The following ABL2 variants were observed in gnomAD, a reference collection of about 807,000 sequenced individuals.
ABL2 encodes the protein tyrosine-protein kinase ABL2.
A neutral mutation model predicts 107.7 loss-of-function variants in ABL2; 49 were observed. The ratio of observed to expected loss-of-function variants is 0.45; its 90% confidence interval spans 0.36 to 0.58. ABL2 has a LOEUF of 0.58. Among genes scored for constraint, ABL2 ranks in the 20% least tolerant of loss-of-function variants. ABL2 has a pLI of 0.00. For synonymous variants in ABL2, 549 were observed against 548.6 expected (o/e 1.00, Z -0.01); for missense variants, 1,245 against 1,457.0 (o/e 0.85, Z 2.37).
intron 1 of ABL2, among the ~76,000 whole-genome samples, chr1:179,182,023 C>T (rs1190972492): frequency 7.0e-6 from 1 of 142,584 alleles, no homozygotes; most frequent in Non-Finnish European, 1.5e-5. Context: ...GTCTTGATCT[C>T]CTGACCTCAT....
chr1:179,175,663 T>C (rs555455045), intron 1 of ABL2, among the ~76,000 whole-genome samples: 10 of 152,248 alleles, frequency 6.6e-5, no homozygotes, highest in Non-Finnish European at 1.2e-4. Flanking sequence ...TTTAGTCTCT[T>C]AGCAGACAGA....
chr1:179,099,607 G>A lies in ABL2; in HGVS notation c.*8111C>T. ...GTTAAATCCCACATTGTCTCACTAT[G>A]TCCCCTTAGCAATGCACACAGTGCC... On this transcript the variant is annotated 3_prime_UTR_variant, in exon 12 of 12. Coordinates refer to ENST00000502732, the MANE Select transcript of ABL2 (RefSeq NM_007314.4). 1 of 230,704 alleles carries A rather than the reference G, an allele frequency of 4.3e-6. No individual in the cohort carries two copies. Among genetic ancestry groups the A allele is most frequent in the Non-Finnish European group, 8.6e-6 (1 of 116,426 alleles). The allele number at this position is 230,704 out of a possible 1,614,324, so 14.3% of individuals were successfully genotyped here. A position where few individuals can be genotyped will look rare whatever the true frequency, so the allele number is the denominator to read the frequency against.
In ABL2 at chr1:179,109,415, T is replaced by C. The variant is rs1290457124; in HGVS notation, c.1852A>G (p.Ser618Gly). The C allele has an allele frequency of 1.2e-6, 2 of 1,613,688 alleles. No individual in the cohort carries two copies. The highest frequency in any genetic ancestry group is 1.7e-6 in the Non-Finnish European group (2 of 1,179,896). The change falls in exon 12 of 12, where the codon AGT (serine) becomes GGT (glycine). Residue 618 changes from serine to glycine, a missense_variant. Transcript: ENST00000502732. ...PGFIRGAQASSGSPALPRKQR... is the reference protein window; with the variant it reads ...PGFIRGAQASGGSPALPRKQR... ...TTTCGAGGCAGTGCTGGGGATCCAC[T>C]AGAGGCCTGTGCACCTCTGATGAAC...
intron 1 of ABL2, among the ~76,000 whole-genome samples, chr1:179,146,302 T>C (rs988950105): frequency 6.6e-6 from 1 of 152,140 alleles, no homozygotes; most frequent in Non-Finnish European, 1.5e-5. Flanking sequence ...TCAACAGGGC[T>C]TGCAGATTAC....
chr1:179,199,207 G>C (rs1223088414), intron 1 of ABL2, among the ~76,000 whole-genome samples: 1 of 152,116 alleles, frequency 6.6e-6, no homozygotes, highest in African/African-American at 2.4e-5. Context: ...GTTTAAATCA[G>C]TTATTGAAAC....
At chr1:179,119,264 G>A (rs1024409146) in intron 6 of ABL2, among the ~76,000 whole-genome samples, 2 of 152,062 alleles carry the variant, frequency 1.3e-5, no homozygotes, top group South Asian at 2.1e-4. Context: ...ACAAGAGGCC[G>A]GGTGCAGTGG....
chr1:179,192,261 A>G (rs1313964492), intron 1 of ABL2, among the ~76,000 whole-genome samples: 1 of 152,106 alleles, frequency 6.6e-6, no homozygotes. Context: ...CAAATGCACA[A>G]CTACTCATAT....
chr1:179,218,558 A>T (rs1469487843), intron 1 of ABL2, among the ~76,000 whole-genome samples: 1 of 152,022 alleles, frequency 6.6e-6, no homozygotes, highest in Non-Finnish European at 1.5e-5. Flanking sequence ...CACCACGCCC[A>T]GCTAATTTTT....
chr1:179,115,088 T>C (rs1654497776), intron 8 of ABL2, 58 bp from the exon 9 acceptor site: 2 of 1,492,772 alleles, frequency 1.3e-6, no homozygotes. Context: ...TTATTTTACA[T>C]AATTAGGTGA....
chr1:179,110,864 T>C (rs375760070), intron 10 of ABL2: 1 of 1,613,978 alleles, frequency 6.2e-7, no homozygotes, highest in Non-Finnish European at 8.5e-7. Context: ...TCACAGGGTA[T>C]ACGTGTATTC....
chr1:179,114,557 C>T (rs1365079800), intron 9 of ABL2, among the ~76,000 whole-genome samples: 1 of 152,134 alleles, frequency 6.6e-6, no homozygotes, highest in East Asian at 1.9e-4. Flanking sequence ...ATGCATTCTT[C>T]ATAGTCTTTA....
At chr1:179,154,227 T>C (rs1328208965) in intron 1 of ABL2, among the ~76,000 whole-genome samples, 2 of 152,200 alleles carry the variant, frequency 1.3e-5, no homozygotes, top group South Asian at 2.1e-4. Flanking sequence ...CCAAGTCAAA[T>C]AGCTAAGTTT....
chr1:179,103,147 A>T lies in ABL2; in HGVS notation c.*4571T>A, dbSNP rs1354484609. 1.8e-5 allele frequency: 4 copies of T among 217,394 alleles called. No homozygotes were observed. Among genetic ancestry groups the T allele is most frequent in the East Asian group, 6.8e-5 (1 of 14,752 alleles). 13.5% of individuals were successfully genotyped at this position (217,394 alleles called of 1,614,324 possible). ...TGTTCTGGAGTGAGTACACATTCTT[A>T]CTTTTTAAAGATCGGAATTAAACCA... On this transcript the variant is annotated 3_prime_UTR_variant, in exon 12 of 12. Transcript: ENST00000502732.
intron 1 of ABL2, among the ~76,000 whole-genome samples, chr1:179,141,526 A>G (rs890164311): frequency 1.3e-5 from 2 of 152,192 alleles, no homozygotes; most frequent in Non-Finnish European, 2.9e-5. Flanking sequence ...AAACAATATT[A>G]TATTTCTGAA....
chr1:179,224,968 G>A (rs1223308002), intron 1 of ABL2, among the ~76,000 whole-genome samples: 1 of 152,056 alleles, frequency 6.6e-6, no homozygotes, highest in Non-Finnish European at 1.5e-5. Context: ...TAAGGCTGCA[G>A]CGATCTACGA....
rs184267733 is a variant in ABL2, at chr1:179,107,976, G to A, written c.3291C>T (p.Ser1097=). Residue 1097 remains serine (S), a synonymous_variant, in exon 12 of 12, where the codon TCC becomes TCT. Transcript: ENST00000502732. ...TGGGCACAGGTTCCGTGAGTGCACTGGACAGTAGGTCAGCACATTCCAGCA... is the reference window on the plus strand; with the variant it reads ...TGGGCACAGGTTCCGTGAGTGCACTAGACAGTAGGTCAGCACATTCCAGCA... ...EALLECADLL[S]SALTEPVPNS... 3.0e-4 allele frequency: 488 copies of A among 1,614,230 alleles called. 3 individuals are homozygous for A. The East Asian group carries it at 0.011, about 35-fold the overall frequency.
At chr1:179,130,600 T>C (rs1656196841) in intron 3 of ABL2, among the ~76,000 whole-genome samples, 1 of 152,164 alleles carries the variant, frequency 6.6e-6, no homozygotes, top group South Asian at 2.1e-4. Flanking sequence ...AAAGGAATGG[T>C]AGGAAAGGTT....
chr1:179,132,088 CT>C (rs768094346), intron 2 of ABL2, among the ~76,000 whole-genome samples: 1 of 152,106 alleles, frequency 6.6e-6, no homozygotes. Flanking sequence ...AAAAAATAAT[CT>C]TTTTTTCGTT....
Position 179,100,721 on chromosome 1 carries a change from GTGA to G in ABL2, c.*6994_*6996del, listed in dbSNP as rs1653025615. On this transcript the variant is annotated 3_prime_UTR_variant, in exon 12 of 12. Coordinates refer to ENST00000502732, the MANE Select transcript of ABL2 (RefSeq NM_007314.4). ...CTGAAAATTTGCTGATGCGAGTACA[GTGA>G]TGAACAAAGAACCTTCCAGAATAGA... 2 of 230,318 alleles carry G rather than the reference GTGA, an allele frequency of 8.7e-6. No homozygotes were observed. The highest frequency in any genetic ancestry group is 4.4e-5 in the African/African-American group (2 of 45,302). 14.3% of individuals were successfully genotyped at this position (230,318 alleles called of 1,614,324 possible). A position where few individuals can be genotyped will look rare whatever the true frequency, so the allele number is the denominator to read the frequency against.
Sources: allele counts gnomAD v4.1 joint callset (sites outside exome capture counted in the v4.1 genomes callset), GRCh38; gene constraint gnomAD v4.1.1; transcripts MANE v1.5; gene names NCBI Gene and HGNC (gene_info 2026-07-23, HGNC 2026-07-21).